TRPC5: variants seen among roughly 807,000 people sequenced by gnomAD.
The protein encoded by TRPC5 is transient receptor potential cation channel subfamily C member 5.
Under a neutral mutation model 56.5 loss-of-function variants are expected in TRPC5, and 9 were observed. The observed-to-expected ratio is 0.16, with a 90% CI of 0.10 to 0.28. The LOEUF (loss-of-function observed/expected upper bound fraction) is 0.28. Ranked by LOEUF, TRPC5 falls within the 10% of genes least tolerant of loss-of-function variation. The probability of loss-of-function intolerance (pLI) is 1.00; values close to 1 mark genes in which losing one functional copy is unlikely to be tolerated. For missense variants in TRPC5, 469 were observed against 748.9 expected (o/e 0.63, Z 4.36); for synonymous variants, 282 against 278.5 (o/e 1.01, Z -0.13).
rs1921400494 is a variant in TRPC5 at position 111,803,794 on chromosome X, G to A, written c.1897-21656C>T. On this transcript the variant is annotated intron_variant, in intron 7 of 10. Transcript: ENST00000262839. Reference sequence around the variant, plus strand: ...GATTGCAAAAAATTTCTCCCATTCTGTAGGTTGCCTGTTCAATGTGATGAT... The same window carrying A: ...GATTGCAAAAAATTTCTCCCATTCTATAGGTTGCCTGTTCAATGTGATGAT... 2.7e-5 allele frequency among the ~76,000 whole-genome samples: 3 copies of A among 111,788 alleles called. No homozygotes were observed. The South Asian group carries it at 1.1e-3, about 42-fold the overall frequency.
chrX:111,800,341 CT>C (rs1569525463), intron 7 of TRPC5, among the ~76,000 whole-genome samples: 1 of 111,973 alleles, frequency 8.9e-6, no homozygotes, highest in Non-Finnish European at 1.9e-5. Context: ...GTCTACCTTA[CT>C]TCATCATAAG....
At chrX:112,032,669 C>T (rs1168484421) in intron 1 of TRPC5, among the ~76,000 whole-genome samples, 2 of 112,064 alleles carry the variant, frequency 1.8e-5, no homozygotes, top group Admixed American at 1.9e-4. Flanking sequence ...TATGGCATTT[C>T]TATGTTTAAC....
At chrX:111,924,478 A>G (rs939303919) in intron 2 of TRPC5, among the ~76,000 whole-genome samples, 13 of 110,948 alleles carry the variant, frequency 1.2e-4, no homozygotes, top group African/African-American at 4.3e-4. Context: ...TAAAAAAAAA[A>G]AAGAGGTAAA....
At chrX:112,028,076 T>A (rs1053719302) in intron 1 of TRPC5, among the ~76,000 whole-genome samples, 5 of 111,582 alleles carry the variant, frequency 4.5e-5, no homozygotes, top group African/African-American at 1.6e-4. Context: ...CATGTACATA[T>A]TTCTTTTCTT....
chrX:111,974,101 A>G (rs918521851), intron 1 of TRPC5, among the ~76,000 whole-genome samples: 8 of 112,427 alleles, frequency 7.1e-5, no homozygotes, highest in African/African-American at 2.6e-4. Context: ...CTCCTACTTG[A>G]AACAACCAAA....
chrX:111,909,088 G>A (rs907791018), intron 3 of TRPC5, among the ~76,000 whole-genome samples: 87 of 107,645 alleles, frequency 8.1e-4, no homozygotes, highest in Non-Finnish European at 9.8e-4. Flanking sequence ...GTTCAAGACC[G>A]GCCTGGCCAG....
At chrX:111,997,547 T>C (rs1928574104) in intron 1 of TRPC5, among the ~76,000 whole-genome samples, 1 of 111,147 alleles carries the variant, frequency 9.0e-6, no homozygotes, top group South Asian at 3.9e-4. Flanking sequence ...CCTTGCTAGG[T>C]TGGGGGAAGT....
intron 7 of TRPC5, among the ~76,000 whole-genome samples, chrX:111,803,990 C>G (rs1356307842): frequency 1.8e-5 from 2 of 112,217 alleles, no homozygotes; most frequent in Non-Finnish European, 3.8e-5. Flanking sequence ...TTAGGTATAA[C>G]ATTTAAGTCT....
At chrX:112,003,512 C>T (rs184101250) in intron 1 of TRPC5, among the ~76,000 whole-genome samples, 1 of 110,640 alleles carries the variant, frequency 9.0e-6, no homozygotes, top group East Asian at 2.9e-4. Context: ...GAGTTTGACT[C>T]GGGTGTTTCT....
intron 7 of TRPC5, among the ~76,000 whole-genome samples, chrX:111,796,970 A>G (rs1336452997): frequency 8.9e-6 from 1 of 112,550 alleles, no homozygotes; most frequent in Non-Finnish European, 1.9e-5. Flanking sequence ...TGCCACTTCA[A>G]AAAAATAAAA....
chrX:111,945,688 G>A (rs1191196415), intron 2 of TRPC5, among the ~76,000 whole-genome samples: 3 of 111,974 alleles, frequency 2.7e-5, no homozygotes, highest in East Asian at 5.6e-4. Flanking sequence ...ACTAAAAGAC[G>A]GGGAAGAGCA....
At chrX:111,925,510 A>G (rs1926235308) in intron 2 of TRPC5, among the ~76,000 whole-genome samples, 1 of 111,787 alleles carries the variant, frequency 8.9e-6, no homozygotes, top group African/African-American at 3.3e-5. Context: ...GTTTTATTGT[A>G]TACTGTGGGA....
At chrX:111,986,154 A>G (rs1257738956) in intron 1 of TRPC5, among the ~76,000 whole-genome samples, 2 of 111,394 alleles carry the variant, frequency 1.8e-5, no homozygotes, top group Non-Finnish European at 3.8e-5. Flanking sequence ...AAACTAAGGT[A>G]GGTCTGGCAT....
chrX:112,011,426 A>C lies in TRPC5; in HGVS notation c.-21-58985T>G, dbSNP rs1207049699. On this transcript the variant is annotated intron_variant, in intron 1 of 10. Transcript: ENST00000262839. ...ATCATAATGACTGTGACTTGGAAAG[A>C]GTCATTTGCTGCCTCTTATCAGCTG... Among the ~76,000 whole-genome samples the C allele has an allele frequency of 3.0e-4, 34 of 111,926 alleles. No homozygotes were observed. The Admixed American group carries it at 3.2e-3, about 11-fold the overall frequency.
chrX:111,905,347 C>T (rs1419951358), intron 3 of TRPC5, among the ~76,000 whole-genome samples: 1 of 109,360 alleles, frequency 9.1e-6, no homozygotes, highest in Non-Finnish European at 1.9e-5. Context: ...AGTTCACAAA[C>T]CAACTAACCA....
chrX:112,049,786 G>C (rs1324137511), intron 1 of TRPC5, among the ~76,000 whole-genome samples: 3 of 111,837 alleles, frequency 2.7e-5, no homozygotes, highest in African/African-American at 9.7e-5. Context: ...TGTGGGTAGG[G>C]TGGTGGGAGG....
At chrX:111,957,074 T>C (rs755210540) in intron 1 of TRPC5, among the ~76,000 whole-genome samples, 1 of 112,408 alleles carries the variant, frequency 8.9e-6, no homozygotes, top group South Asian at 3.7e-4. Flanking sequence ...TCTTCAGTCA[T>C]TCTTATTAGA....
chrX:111,971,343 C>T (rs1453032730), intron 1 of TRPC5, among the ~76,000 whole-genome samples: 1 of 111,359 alleles, frequency 9.0e-6, no homozygotes, highest in Non-Finnish European at 1.9e-5. Context: ...GTTTGAGATT[C>T]AGTTATCAGT....
chrX:111,782,133 A>G lies in TRPC5; in HGVS notation c.1902T>C (p.His634=), dbSNP rs1379699232. The G allele has an allele frequency of 1.2e-5, 15 of 1,201,950 alleles. No individual in the cohort carries two copies. The highest frequency in any genetic ancestry group is 1.5e-5 in the Non-Finnish European group (13 of 890,327). Residue 634 remains histidine (H), a synonymous_variant, in exon 8 of 11, where the codon CAT becomes CAC. Coordinates refer to ENST00000262839, the MANE Select transcript of TRPC5 (RefSeq NM_012471.3). Reference sequence around the variant, plus strand: ...TTGCAAACTTCCACTCGATATCAGCATGATCCTATGAAAGATAATGAAGTT... The same window carrying G: ...TTGCAAACTTCCACTCGATATCAGCGTGATCCTATGAAAGATAATGAAGTT... The part of the protein sequence containing the change: ...MNNSYQLIAD[H]ADIEWKFART...
Sources: gnomAD v4.1 joint callset for allele counts (sites outside exome capture counted in the v4.1 genomes callset) on GRCh38, gnomAD v4.1.1 for gene constraint, MANE v1.5 for transcripts, NCBI Gene and HGNC (gene_info 2026-07-23, HGNC 2026-07-21) for gene names.